Variants in CD101 observed in about 807,000 individuals in gnomAD.
The protein encoded by CD101 is immunoglobulin superfamily member 2.
Under a neutral mutation model 98.2 loss-of-function variants are expected in CD101, and 76 were observed. The observed-to-expected ratio is 0.77, with a 90% CI of 0.64 to 0.94. CD101 has a LOEUF of 0.94. CD101 is among the 40% of genes least tolerant of loss of function. CD101 has a pLI of 0.00. For missense variants in CD101, 1,145 were observed against 1,218.8 expected, an observed-to-expected ratio of 0.94 and a Z score of 0.90; for synonymous variants, 471 against 472.7, an observed-to-expected ratio of 1.00 and a Z score of 0.05.
Position 117,018,574 on chromosome 1 carries a change from G to T in CD101, c.2017+14G>T. On this transcript the variant is annotated intron_variant, in intron 6 of 9. Coordinates refer to ENST00000682167, the MANE Select transcript of CD101 (RefSeq NM_001256106.3). This position sits in a 1 kb window ranked among gnomAD's most constrained non-coding sequence, Gnocchi z 4.3. ...TCACTTTACCAGGTAAGTGTGACTT[G>T]AAATTAATCCCTGTTTTAAAAACAA... The T allele has an allele frequency of 6.5e-7, 1 of 1,550,150 alleles. No individual in the cohort carries two copies. Among genetic ancestry groups the T allele is most frequent in the Non-Finnish European group, 8.7e-7 (1 of 1,148,168 alleles).
rs533974803 is a variant in CD101, at chr1:117,027,979, G to C, written c.2824+2075G>C. Among the ~76,000 whole-genome samples the C allele has an allele frequency of 1.6e-4, 24 of 152,248 alleles. No homozygotes were observed. In the South Asian group the frequency reaches 4.6e-3, roughly 29 times the overall value. On this transcript the variant is annotated intron_variant, in intron 8 of 9. Coordinates refer to ENST00000682167, the MANE Select transcript of CD101 (RefSeq NM_001256106.3). ...CCATGCCTGTAATCCCAGCTACTCGGGAGGCTGAGGCAGGAGAATCGCTTG... is the reference window on the plus strand; with the variant it reads ...CCATGCCTGTAATCCCAGCTACTCGCGAGGCTGAGGCAGGAGAATCGCTTG...
intron 9 of CD101, among the ~76,000 whole-genome samples, chr1:117,034,452 C>T (rs1026366386): frequency 2.0e-5 from 3 of 152,190 alleles, no homozygotes; most frequent in Admixed American, 6.5e-5. Context: ...TGGGGCTTCT[C>T]TCTCCCTCTT....
intron 8 of CD101, among the ~76,000 whole-genome samples, chr1:117,031,620 G>A (rs1010007760): frequency 6.6e-6 from 1 of 152,150 alleles, no homozygotes; most frequent in Non-Finnish European, 1.5e-5. Flanking sequence ...TTGGGAGAAG[G>A]TTTCCTGTGA....
rs190144984 is a variant in CD101, at chr1:117,006,878, T to C, written c.44-2972T>C. Among the ~76,000 whole-genome samples the C allele has an allele frequency of 1.2e-4, 18 of 152,288 alleles. No homozygotes were observed. Among genetic ancestry groups the C allele is most frequent in the Non-Finnish European group, 2.4e-4 (16 of 68,026 alleles). ...AGTCCCTCAAGCATGAGAAATACTA[T>C]AAGTGGTTGAATAAATATTTATTGA... On this transcript the variant is annotated intron_variant, in intron 1 of 9. Coordinates refer to ENST00000682167, the MANE Select transcript of CD101 (RefSeq NM_001256106.3). The surrounding 1 kb of genome is among the most constrained non-coding windows in gnomAD (Gnocchi z 4.4).
chr1:117,035,144 C>T (rs1654730529), intron 9 of CD101, among the ~76,000 whole-genome samples: 1 of 152,220 alleles, frequency 6.6e-6, no homozygotes, highest in Non-Finnish European at 1.5e-5. Context: ...ACTGGGCCTA[C>T]AGTCCCCTCA....
chr1:117,013,309 C>G, intron 3 of CD101, 97 bp from the exon 4 acceptor site: 1 of 1,367,314 alleles, frequency 7.3e-7, no homozygotes, highest in African/African-American at 1.5e-5. Flanking sequence ...AAAATGTGAT[C>G]CCTGTGACAT....
At chr1:117,026,836 C>G (rs1203085858) in intron 8 of CD101, 1 of 152,076 alleles carries the variant, frequency 6.6e-6, no homozygotes, top group African/African-American at 2.4e-5. Context: ...CTTCAGAAAA[C>G]CTTTGTCATG....
rs199962448 is a variant in CD101 at position 117,033,853 on chromosome 1, G to A, written c.2825-7G>A. 9.7e-5 allele frequency: 157 copies of A among 1,613,948 alleles called. No homozygotes were observed. The highest frequency in any genetic ancestry group is 4.9e-4 in the Middle Eastern group (3 of 6,062). On this transcript the variant is annotated splice_polypyrimidine_tract_variant and splice_region_variant and intron_variant, in intron 8 of 9. Coordinates refer to ENST00000682167, the MANE Select transcript of CD101 (RefSeq NM_001256106.3). This position sits in a 1 kb window ranked among gnomAD's most constrained non-coding sequence, Gnocchi z 4.8. ...GAATTACTCTCTTGTTTCTCCCTTC[G>A]TTGCAGAGCCCACGCTTCCTTCCAG...
rs371618655 is a variant in CD101, at chr1:117,011,869, C to G, written c.744C>G (p.Phe248Leu). ...RLQSSDQGQL[F>L]CEATEWIQDP... ...AGTCCTCAGATCAGGGTCAGCTGTT[C>G]TGTGAGGCAACGGAATGGATTCAGG... Residue 248 changes from phenylalanine (F) to leucine (L), a missense_variant, in exon 3 of 10, where the codon TTC (phenylalanine) becomes TTG (leucine). Phe to Leu is a conservative substitution (Grantham distance 22). Transcript: ENST00000682167. 6.2e-7 allele frequency: 1 copy of G among 1,614,016 alleles called. No individual in the cohort carries two copies. The highest frequency in any genetic ancestry group is 1.7e-5 in the Admixed American group (1 of 59,996).
rs371618655 is a variant in CD101, at chr1:117,011,869, C to A, written c.744C>A (p.Phe248Leu). 3.7e-6 allele frequency: 6 copies of A among 1,614,134 alleles called. No homozygotes were observed. Among genetic ancestry groups the A allele is most frequent in the Non-Finnish European group, 5.1e-6 (6 of 1,180,032 alleles). The change falls in exon 3 of 10, where the codon TTC (phenylalanine) becomes TTA (leucine). Residue 248 changes from phenylalanine to leucine, a missense_variant. Transcript: ENST00000682167. ...AGTCCTCAGATCAGGGTCAGCTGTT[C>A]TGTGAGGCAACGGAATGGATTCAGG... is the stretch of plus-strand genomic sequence containing the variant. ...RLQSSDQGQLFCEATEWIQDP... is the reference protein window; with the variant it reads ...RLQSSDQGQLLCEATEWIQDP...
rs746150915 is a variant in CD101, at chr1:117,017,342, T to A, written c.1481T>A (p.Phe494Tyr). ...CTGGAGAAAATGGACTGGGCCACCT[T>A]CCAGCTGGAGATCACCTTCACTGCC... ...TRLEKMDWAT[F>Y]QLEITFTAIT... Residue 494 changes from phenylalanine (F) to tyrosine (Y), a missense_variant, in exon 5 of 10, where the codon TTC (phenylalanine) becomes TAC (tyrosine). Phe to Tyr is a conservative substitution (Grantham distance 22, BLOSUM62 3). Transcript: ENST00000682167. The A allele has an allele frequency of 1.2e-6, 2 of 1,614,236 alleles. No homozygotes were observed. The highest frequency in any genetic ancestry group is 1.7e-5 in the Admixed American group (1 of 60,026).
intron 1 of CD101, among the ~76,000 whole-genome samples, chr1:117,003,939 TTGATCA>T (rs1241917274): frequency 1.3e-5 from 2 of 152,276 alleles, no homozygotes; most frequent in Non-Finnish European, 2.9e-5. Context: ...TAACGATCTA[TTGATCA>T]ATTACATTGG....
intron 4 of CD101, among the ~76,000 whole-genome samples, chr1:117,014,940 T>G (rs1280513077): frequency 6.6e-6 from 1 of 152,254 alleles, no homozygotes; most frequent in Non-Finnish European, 1.5e-5. Context: ...CACATATTTA[T>G]GCAGAGATAA....
At position 117,020,595 on chromosome 1, in the gene CD101, G is replaced by A. The variant is rs1653521561; in HGVS notation, c.2018-978G>A. Among the ~76,000 whole-genome samples the A allele has an allele frequency of 2.0e-5, 3 of 152,354 alleles. No homozygotes were observed. In the East Asian group the frequency reaches 5.8e-4, roughly 29 times the overall value. ...CACACTTGAGAAAGGTTTCTCAAGA[G>A]TTATTTCAGCTGCACATTCTAAATG... On this transcript the variant is annotated intron_variant, in intron 6 of 9. Coordinates refer to ENST00000682167, the MANE Select transcript of CD101 (RefSeq NM_001256106.3).
rs1557774050 is a variant in CD101, at chr1:117,021,829, A to C, written c.2274A>C (p.Gln758His). Residue 758 changes from glutamine (Q) to histidine (H), a missense_variant, in exon 7 of 10, where the codon CAA becomes CAC. Physicochemically the swap from Gln to His is conservative, Grantham distance 24 (BLOSUM62 0). Coordinates refer to ENST00000682167, the MANE Select transcript of CD101 (RefSeq NM_001256106.3). This position sits in a 1 kb window ranked among gnomAD's most constrained non-coding sequence, Gnocchi z 4.7. ...AATTTCATACTGAGAAGGTTTCCCA[A>C]GACTTATTTCAGCTGCACATTCTGA... Reference protein sequence around the residue: ...KQKFHTEKVSQDLFQLHILNV... With the variant: ...KQKFHTEKVSHDLFQLHILNV... 1 of 1,614,232 alleles carries C rather than the reference A, an allele frequency of 6.2e-7. No homozygotes were observed. The highest frequency in any genetic ancestry group is 1.7e-5 in the Admixed American group (1 of 60,034).
At chr1:117,025,926 G>T (rs202016089) in intron 8 of CD101, 22 bp downstream of exon 8, 17 of 1,583,678 alleles carry the variant, frequency 1.1e-5, no homozygotes, top group Admixed American at 1.7e-5. Flanking sequence ...TTTATCTACC[G>T]CGAGCTCATG....
In CD101 at chr1:117,011,843, C is replaced by T. The variant is rs1448466537; in HGVS notation, c.718C>T (p.Gln240Ter). Reference protein sequence around the residue: ...TTFRLSIERLQSSDQGQLFCE... With the variant: ...TTFRLSIERL ...ATTCAGGCTGTCCATAGAGAGGCTC[C>T]AGTCCTCAGATCAGGGTCAGCTGTT... Residue 240 changes from glutamine to a stop codon, truncating the protein, a stop_gained, in exon 3 of 10, where the codon CAG (glutamine) becomes TAG (stop). Transcript: ENST00000682167. LOFTEE classifies it high-confidence loss of function. The T allele has an allele frequency of 2.5e-6, 4 of 1,614,044 alleles. No individual in the cohort carries two copies. Among genetic ancestry groups the T allele is most frequent in the Non-Finnish European group, 3.4e-6 (4 of 1,180,030 alleles).
At chr1:117,024,971 G>A (rs1653811630) in intron 7 of CD101, among the ~76,000 whole-genome samples, 1 of 152,198 alleles carries the variant, frequency 6.6e-6, no homozygotes, top group South Asian at 2.1e-4. Context: ...GGTCCAGCAG[G>A]CAAGCAGTTG....
Position 117,010,201 on chromosome 1 carries a change from G to C in CD101, c.395G>C (p.Gly132Ala). 1.2e-6 allele frequency: 2 copies of C among 1,613,886 alleles called. No individual in the cohort carries two copies. Among genetic ancestry groups the C allele is most frequent in the South Asian group, 2.2e-5 (2 of 91,046 alleles). ...HTPNTDEKYY[G>A]SYSAKTNLIV... ...CCAAACACTGATGAGAAATACTATG[G>C]AAGTTACAGTGCAAAGACTAATCTA... The change falls in exon 2 of 10, where the codon GGA becomes GCA. Residue 132 changes from glycine (G) to alanine (A), a missense_variant. Coordinates refer to ENST00000682167, the MANE Select transcript of CD101 (RefSeq NM_001256106.3). The surrounding 1 kb of genome is among the most constrained non-coding windows in gnomAD (Gnocchi z 5.2).
Sources: gnomAD v4.1 joint callset for allele counts (sites outside exome capture counted in the v4.1 genomes callset) on GRCh38, gnomAD v4.1.1 for gene constraint, Gnocchi (gnomAD v3.1) non-coding constraint, MANE v1.5 for transcripts, NCBI Gene and HGNC (gene_info 2026-07-23, HGNC 2026-07-21) for gene names.